IDH2: variants seen among roughly 807,000 people sequenced by gnomAD.
IDH2 encodes isocitrate dehydrogenase (NADP(+)) 2.
A neutral mutation model predicts 50.5 loss-of-function variants in IDH2; 18 were observed. That is an observed-to-expected ratio of 0.36 (90% confidence interval 0.25 to 0.53). The LOEUF (loss-of-function observed/expected upper bound fraction) is 0.53. Ranked by LOEUF, IDH2 falls within the 20% of genes least tolerant of loss-of-function variation. The pLI, the probability that IDH2 is intolerant of heterozygous loss-of-function variation, is 0.92. For synonymous variants in IDH2, 280 were observed against 239.8 expected, an observed-to-expected ratio of 1.17 and a Z score of -1.55; for missense variants, 518 against 610.7, an observed-to-expected ratio of 0.85 and a Z score of 1.60.
chr15:90,098,764 G>A lies in IDH2; in HGVS notation c.115+3512C>T, dbSNP rs908114506. Among the ~76,000 whole-genome samples the A allele has an allele frequency of 5.3e-5, 8 of 152,076 alleles. No individual in the cohort carries two copies. Among genetic ancestry groups the A allele is most frequent in the African/African-American group, 1.9e-4 (8 of 41,384 alleles). On this transcript the variant is annotated intron_variant, in intron 1 of 10. Transcript: ENST00000330062. The surrounding 1 kb of genome is among the most constrained non-coding windows in gnomAD (Gnocchi z 5.1). ...TCACCATGGTGGCCAGGCAGGTCTCGAACTCCTGGCCCCAACTGATCCGCC... is the reference window on the plus strand; with the variant it reads ...TCACCATGGTGGCCAGGCAGGTCTCAAACTCCTGGCCCCAACTGATCCGCC...
At chr15:90,094,632 G>A (rs530954716) in intron 1 of IDH2, among the ~76,000 whole-genome samples, 3 of 152,354 alleles carry the variant, frequency 2.0e-5, no homozygotes, top group Non-Finnish European at 4.4e-5. Flanking sequence ...GGGGCTGGGT[G>A]TAATGGCTCA....
At chr15:90,097,190 A>G (rs2151555020) in intron 1 of IDH2, among the ~76,000 whole-genome samples, 1 of 152,388 alleles carries the variant, frequency 6.6e-6, no homozygotes. Context: ...ACAGTCAACC[A>G]TAGTCTGAAA....
At position 90,091,433 on chromosome 15, in the gene IDH2, C is replaced by T. The variant is rs1335227739; in HGVS notation, c.207+120G>A. On this transcript the variant is annotated intron_variant, in intron 2 of 10. Transcript: ENST00000330062. ...AGACAGAGGGAGAGAAACAGAGCTG[C>T]TGCTGCCTACCAGGACAACGGGGGG... The T allele has an allele frequency of 3.9e-6, 3 of 761,704 alleles. No individual in the cohort carries two copies. The East Asian group carries it at 7.5e-5, about 19-fold the overall frequency. The allele number at this position is 761,704 out of a possible 1,614,324, so 47.2% of individuals were successfully genotyped here.
chr15:90,088,110 T>C (rs1900920228), intron 5 of IDH2, among the ~76,000 whole-genome samples: 1 of 151,808 alleles, frequency 6.6e-6, no homozygotes, highest in Admixed American at 6.6e-5. Flanking sequence ...TTTCTTTTCT[T>C]TTTGTTTCAA....
In IDH2 at chr15:90,088,199, C is replaced by T. The variant is rs140155656; in HGVS notation, c.678+160G>A. ...ATCCTGCCTTGGCCTCCCAAAATGC[C>T]GGGATTACAAGTGTCAGCCACCATG... On this transcript the variant is annotated intron_variant, in intron 5 of 10. Coordinates refer to ENST00000330062, the MANE Select transcript of IDH2 (RefSeq NM_002168.4). Among the ~76,000 whole-genome samples the T allele has an allele frequency of 6.9e-3, 1,048 of 152,172 alleles. 3 individuals are homozygous for T. The highest frequency in any genetic ancestry group is 9.7e-3 in the Non-Finnish European group (661 of 68,008).
rs112703257 is a variant in IDH2 at position 90,085,111 on chromosome 15, G to A, written c.1081-13C>T. 296 of 1,612,142 alleles carry A rather than the reference G, an allele frequency of 1.8e-4. 2 individuals carry two copies. In the African/African-American group the frequency reaches 3.2e-3, roughly 17 times the overall value. ...TGGTGGGCCGGCCCTGGGGACGGGG[G>A]TTGCAGGGAGATCAAGAGCCGAGCC... On this transcript the variant is annotated splice_polypyrimidine_tract_variant and intron_variant, in intron 8 of 10. Transcript: ENST00000330062. This position sits in a 1 kb window ranked among gnomAD's most constrained non-coding sequence, Gnocchi z 5.5.
Position 90,085,008 on chromosome 15 carries a change from G to A in IDH2, c.1171C>T (p.Leu391Phe), listed in dbSNP as rs1247633248. 4 of 1,613,912 alleles carry A rather than the reference G, an allele frequency of 2.5e-6. No homozygotes were observed. The Admixed American group carries it at 6.7e-5, about 27-fold the overall frequency. ...HRGKLDGNQDLIRFAQMLEKV... is the reference protein window; with the variant it reads ...HRGKLDGNQDFIRFAQMLEKV... ...CTCTCCCTCCATGCTCACCTGATGA[G>A]GTCTTGGTTCCCATCCAGCTTCCCC... The change falls in exon 9 of 11, where the codon CTC becomes TTC. Residue 391 changes from leucine to phenylalanine, a missense_variant. Transcript: ENST00000330062. The surrounding 1 kb of genome is among the most constrained non-coding windows in gnomAD (Gnocchi z 5.5).
chr15:90,088,331 G>C (rs1046394668), intron 5 of IDH2, 28 bp downstream of exon 5: 6 of 1,611,282 alleles, frequency 3.7e-6, no homozygotes, highest in Non-Finnish European at 5.1e-6. Context: ...GGGAGAGGAG[G>C]GGCCCAGGAT....
intron 1 of IDH2, 139 bp downstream of exon 1, chr15:90,102,137 C>A (rs909588186): frequency 6.3e-5 from 21 of 335,826 alleles, no homozygotes; most frequent in African/African-American, 2.2e-4. Flanking sequence ...AGCGAAGCTG[C>A]CCCGCGGCCC....
chr15:90,090,036 G>C (rs976594309), intron 3 of IDH2, among the ~76,000 whole-genome samples: 1 of 152,144 alleles, frequency 6.6e-6, no homozygotes, highest in Non-Finnish European at 1.5e-5. Flanking sequence ...CGCCAGAATG[G>C]ACTACTGCCC....
At chr15:90,093,912 G>T (rs551802536) in intron 1 of IDH2, among the ~76,000 whole-genome samples, 1 of 148,068 alleles carries the variant, frequency 6.8e-6, no homozygotes, top group Non-Finnish European at 1.5e-5. Flanking sequence ...GAGCCACCAC[G>T]CCTGGCCATT....
At chr15:90,089,065 A>C (rs533396697) in intron 3 of IDH2, among the ~76,000 whole-genome samples, 2 of 151,792 alleles carry the variant, frequency 1.3e-5, no homozygotes, top group South Asian at 2.1e-4. Flanking sequence ...CAGGCATGTG[A>C]CACCACACCA....
rs551406403 is a variant in IDH2 at position 90,083,269 on chromosome 15, A to T, written c.*997T>A. ...TGCCTCAGCCTCCCGAGTAGCTGGG[A>T]CTGCAGGTGCGCATCACCACGCCTG... On this transcript the variant is annotated 3_prime_UTR_variant, in exon 11 of 11. Transcript: ENST00000330062. The T allele has an allele frequency of 6.6e-6, 1 of 151,810 alleles. No homozygotes were observed. Among genetic ancestry groups the T allele is most frequent in the East Asian group, 1.9e-4 (1 of 5,160 alleles). 9.4% of individuals were successfully genotyped at this position (151,810 alleles called of 1,614,324 possible). A position where few individuals can be genotyped will look rare whatever the true frequency, so the allele number is the denominator to read the frequency against.
At chr15:90,099,103 C>T (rs554203102) in intron 1 of IDH2, among the ~76,000 whole-genome samples, 1 of 152,340 alleles carries the variant, frequency 6.6e-6, no homozygotes, top group African/African-American at 2.4e-5. Flanking sequence ...AAGCCATCAT[C>T]CTCTCTTGCC....
Position 90,102,376 on chromosome 15 carries a change from C to T in IDH2, c.15G>A (p.Leu5=). The change falls in exon 1 of 11, where the codon CTG becomes CTA. Residue 5 remains leucine, a synonymous_variant. Transcript: ENST00000330062. MAGY[L]RVVRSLCRAS... The stretch of plus-strand genomic sequence containing the variant: ...CTCTGCAGAGCGAGCGCACGACCCG[C>T]AGGTAGCCGGCCATCCCAAGCTGGA... The T allele has an allele frequency of 1.5e-6, 2 of 1,361,392 alleles. No individual in the cohort carries two copies. The highest frequency in any genetic ancestry group is 1.9e-6 in the Non-Finnish European group (2 of 1,046,796). 84.3% of individuals were successfully genotyped at this position (1,361,392 alleles called of 1,614,324 possible).
At chr15:90,089,317 AATG>A (rs1013912463) in intron 3 of IDH2, among the ~76,000 whole-genome samples, 17 of 152,222 alleles carry the variant, frequency 1.1e-4, no homozygotes, top group Non-Finnish European at 2.1e-4. Context: ...GTGAGGACGA[AATG>A]AGCTCGTGTG....
Position 90,088,636 on chromosome 15 carries a change from G to C in IDH2, c.485C>G (p.Pro162Arg), listed in dbSNP as rs1900940516. 6.2e-7 allele frequency: 1 copy of C among 1,614,118 alleles called. No individual in the cohort carries two copies. The highest frequency in any genetic ancestry group is 2.2e-5 in the East Asian group (1 of 44,896). The change falls in exon 4 of 11, where the codon CCT (proline) becomes CGT (arginine). Residue 162 changes from proline (P) to arginine (R), a missense_variant. Pro to Arg is a moderately radical substitution (Grantham distance 103). Transcript: ENST00000330062. ...IICKNIPRLV[P>R]GWTKPITIGR... ...AATGGTGATGGGCTTGGTCCAGCCA[G>C]GGACTAGGCGTGGGATGTTTTTGCA... is the stretch of plus-strand genomic sequence containing the variant.
intron 3 of IDH2, among the ~76,000 whole-genome samples, chr15:90,089,058 G>C (rs1030233413): frequency 1.3e-5 from 2 of 151,792 alleles, no homozygotes; most frequent in African/African-American, 2.4e-5. Context: ...GGAATTACAG[G>C]CATGTGACAC....
Position 90,084,581 on chromosome 15 carries a change from G to A in IDH2, c.1272-228C>T, listed in dbSNP as rs2151546385. 6.6e-6 allele frequency among the ~76,000 whole-genome samples: 1 copy of A among 152,292 alleles called. No homozygotes were observed. Among genetic ancestry groups the A allele is most frequent in the Non-Finnish European group, 1.5e-5 (1 of 68,018 alleles). On this transcript the variant is annotated intron_variant, in intron 10 of 10. Coordinates refer to ENST00000330062, the MANE Select transcript of IDH2 (RefSeq NM_002168.4). This position sits in a 1 kb window ranked among gnomAD's most constrained non-coding sequence, Gnocchi z 5.0. ...GTAACTGCTCTCCTGAGAGAAGCTGGGAAAGGGGTGTGGGCAGGGTCGGAA... is the reference window on the plus strand; with the variant it reads ...GTAACTGCTCTCCTGAGAGAAGCTGAGAAAGGGGTGTGGGCAGGGTCGGAA...
Sources: gnomAD v4.1 joint callset for allele counts (sites outside exome capture counted in the v4.1 genomes callset) on GRCh38, gnomAD v4.1.1 for gene constraint, Gnocchi (gnomAD v3.1) non-coding constraint, MANE v1.5 for transcripts, NCBI Gene and HGNC (gene_info 2026-07-23, HGNC 2026-07-21) for gene names.